TAF7: variants seen among roughly 807,000 people sequenced by gnomAD.
TAF7 encodes the protein TATA-box binding protein associated factor 7.
Under a neutral mutation model 25.3 loss-of-function variants are expected in TAF7, and 9 were observed. The ratio of observed to expected loss-of-function variants is 0.36; its 90% CI spans 0.21 to 0.62. The LOEUF (loss-of-function observed/expected upper bound fraction) is 0.62, where lower values mean the gene tolerates loss of function less well. Among genes scored for constraint, TAF7 ranks in the 20% least tolerant of loss-of-function variants. The pLI, the probability that TAF7 is intolerant of heterozygous loss-of-function variation, is 0.72. For synonymous variants in TAF7, 127 were observed against 146.7 expected (o/e 0.87, Z 0.97); for missense variants, 311 against 410.6 (o/e 0.76, Z 2.10).
Position 141,319,281 on chromosome 5 carries a change from C to G in TAF7, c.764G>C (p.Arg255Thr), listed in dbSNP as rs1756122459. The change falls in exon 1 of 1, where the codon AGA (arginine) becomes ACA (threonine). Residue 255 changes from arginine (R) to threonine (T), a missense_variant. Transcript: ENST00000313368. This position sits in a 1 kb window ranked among gnomAD's most constrained non-coding sequence, Gnocchi z 5.3. The part of the protein sequence containing the change: ...NIIDTEEDLE[R>T]QLQDKLNESD... ...TTCATTTAGCTTGTCCTGTAGCTGT[C>G]TCTCCAGATCTTCCTCCGTGTCAAT... 1.9e-6 allele frequency: 3 copies of G among 1,613,904 alleles called. No homozygotes were observed. The highest frequency in any genetic ancestry group is 1.7e-5 in the Admixed American group (1 of 59,996).
At position 141,320,586 on chromosome 5, in the gene TAF7, C is replaced by T. The variant is rs2149710087; in HGVS notation, c.-542G>A. 6.0e-6 allele frequency: 1 copy of T among 167,928 alleles called. No homozygotes were observed. The highest frequency in any genetic ancestry group is 2.1e-4 in the South Asian group (1 of 4,874). 10.4% of individuals were successfully genotyped at this position (167,928 alleles called of 1,614,324 possible). On this transcript the variant is annotated 5_prime_UTR_variant, in exon 1 of 1. Transcript: ENST00000313368. ...AAGGGAAGAGGAGGCCGCAAGGAGC[C>T]AAGCGGGAGAGAGCCGAGCGTCTCC...
In TAF7 at chr5:141,318,589, T is replaced by C. The variant is rs2429349; in HGVS notation, c.*406A>G. On this transcript the variant is annotated 3_prime_UTR_variant, in exon 1 of 1. Coordinates refer to ENST00000313368, the MANE Select transcript of TAF7 (RefSeq NM_005642.3). ...CTGCTTTGAATAACTGGGAAAACAA[T>C]TATTGCATAGGAAAACATATGCAAA... 1 allele frequency: 156,158 copies of C among 156,250 alleles called. 78,033 individuals carry two copies. The highest frequency in any genetic ancestry group is 1 in the East Asian group (5,256 of 5,256). 9.7% of individuals were successfully genotyped at this position (156,250 alleles called of 1,614,324 possible). A position where few individuals can be genotyped will look rare whatever the true frequency, so the allele number is the denominator to read the frequency against.
rs1432747495 is a variant in TAF7 at position 141,319,030 on chromosome 5, A to G, written c.1015T>C (p.Leu339=). 7 of 1,610,618 alleles carry G rather than the reference A, an allele frequency of 4.3e-6. No individual in the cohort carries two copies. Among genetic ancestry groups the G allele is most frequent in the Middle Eastern group, 3.3e-4 (2 of 6,046 alleles). The part of the protein sequence containing the change: ...EDREKEQLSS[L]QEELESLLEK ...AGGAGTGATTCTAGCTCCTCTTGCA[A>G]AGAGCTGAGTTGCTCCTTTTCTCGG... The change falls in exon 1 of 1, where the codon TTG becomes CTG. Residue 339 remains leucine, a synonymous_variant. Coordinates refer to ENST00000313368, the MANE Select transcript of TAF7 (RefSeq NM_005642.3). The surrounding 1 kb of genome is among the most constrained non-coding windows in gnomAD (Gnocchi z 5.3).
At position 141,319,966 on chromosome 5, in the gene TAF7, T is replaced by A; in HGVS notation, c.79A>T (p.Thr27Ser). The change falls in exon 1 of 1, where the codon ACT (threonine) becomes TCT (serine). Residue 27 changes from threonine to serine, a missense_variant. Around this residue, in one of 3 missense-constraint regions of TAF7, gnomAD observed 119 missense variants for 159.3 expected, o/e 0.75. Transcript: ENST00000313368. This position sits in a 1 kb window ranked among gnomAD's most constrained non-coding sequence, Gnocchi z 5.3. ...CCAGACTGTACTGCCCTTCTCACAG[T>A]AGAGGCATATTCTGGAGGCAGACGT... Reference protein sequence around the residue: ...ILRLPPEYASTVRRAVQSGHV... With the variant: ...ILRLPPEYASSVRRAVQSGHV... 2 of 1,614,166 alleles carry A rather than the reference T, an allele frequency of 1.2e-6. No individual in the cohort carries two copies. The highest frequency in any genetic ancestry group is 1.7e-6 in the Non-Finnish European group (2 of 1,180,034).
rs1048009661 is a variant in TAF7 at position 141,320,606 on chromosome 5, G to C, written c.-562C>G. ...GGAGCCAAGCGGGAGAGAGCCGAGC[G>C]TCTCCTTGTCGTTTCCTTAATTCTT... On this transcript the variant is annotated 5_prime_UTR_variant, in exon 1 of 1. Coordinates refer to ENST00000313368, the MANE Select transcript of TAF7 (RefSeq NM_005642.3). 6.0e-6 allele frequency: 1 copy of C among 167,468 alleles called. No homozygotes were observed. Among genetic ancestry groups the C allele is most frequent in the East Asian group, 1.9e-4 (1 of 5,198 alleles). 10.4% of individuals were successfully genotyped at this position (167,468 alleles called of 1,614,324 possible). A position where few individuals can be genotyped will look rare whatever the true frequency, so the allele number is the denominator to read the frequency against.
At position 141,318,790 on chromosome 5, in the gene TAF7, T is replaced by C. The variant is rs1020757050; in HGVS notation, c.*205A>G. ...TTTCCTACAATCATTTTTCTGCCTATACAATCCTGCTTCTTATAGGATGAA... is the reference window on the plus strand; with the variant it reads ...TTTCCTACAATCATTTTTCTGCCTACACAATCCTGCTTCTTATAGGATGAA... On this transcript the variant is annotated 3_prime_UTR_variant, in exon 1 of 1. Transcript: ENST00000313368. The C allele has an allele frequency of 2.1e-6, 1 of 480,196 alleles. No homozygotes were observed. Among genetic ancestry groups the C allele is most frequent in the Non-Finnish European group, 3.6e-6 (1 of 277,022 alleles). The allele number at this position is 480,196 out of a possible 1,614,324, so 29.7% of individuals were successfully genotyped here. A position where few individuals can be genotyped will look rare whatever the true frequency, so the allele number is the denominator to read the frequency against.
chr5:141,320,123 A>G lies in TAF7; in HGVS notation c.-79T>C. 2 of 1,226,768 alleles carry G rather than the reference A, an allele frequency of 1.6e-6. No individual in the cohort carries two copies. The highest frequency in any genetic ancestry group is 1.1e-6 in the Non-Finnish European group (1 of 879,696). 76.0% of individuals were successfully genotyped at this position (1,226,768 alleles called of 1,614,324 possible). ...TCCAGCTACTGCAATAGTTTAAAAC[A>G]CCAGTTTGCTATGAATTGAAATCTT... On this transcript the variant is annotated 5_prime_UTR_variant, in exon 1 of 1. Transcript: ENST00000313368.
At position 141,319,172 on chromosome 5, in the gene TAF7, C is replaced by G; in HGVS notation, c.873G>C (p.Lys291Asn). Residue 291 changes from lysine (K) to asparagine (N), a missense_variant, in exon 1 of 1, where the codon AAG (lysine) becomes AAC (asparagine). Around this residue, in one of 3 missense-constraint regions of TAF7, gnomAD observed 179 missense variants for 206.7 expected, o/e 0.87. Coordinates refer to ENST00000313368, the MANE Select transcript of TAF7 (RefSeq NM_005642.3). This position sits in a 1 kb window ranked among gnomAD's most constrained non-coding sequence, Gnocchi z 5.3. Reference sequence around the variant, plus strand: ...TTGCCCTGTCCTGGGTCTCTTGGAGCTTGCCTTTCATGTTGTCAATCTGCT... The same window carrying G: ...TTGCCCTGTCCTGGGTCTCTTGGAGGTTGCCTTTCATGTTGTCAATCTGCT... ...IQKQIDNMKGKLQETQDRAKR... is the reference protein window; with the variant it reads ...IQKQIDNMKGNLQETQDRAKR... 6.2e-7 allele frequency: 1 copy of G among 1,614,134 alleles called. No homozygotes were observed. Among genetic ancestry groups the G allele is most frequent in the Non-Finnish European group, 8.5e-7 (1 of 1,180,026 alleles).
In TAF7 at chr5:141,319,459, C is replaced by T. The variant is rs138266148; in HGVS notation, c.586G>A (p.Gly196Ser). Residue 196 changes from glycine to serine, a missense_variant, in exon 1 of 1, where the codon GGC (glycine) becomes AGC (serine). Gly to Ser is a moderately conservative substitution (Grantham distance 56, BLOSUM62 0). Transcript: ENST00000313368. The surrounding 1 kb of genome is among the most constrained non-coding windows in gnomAD (Gnocchi z 5.3). ...EDETKEAENQ[G>S]LDISSPGMSG... is the part of the protein sequence containing the mutation. Reference sequence around the variant, plus strand: ...ATTCCTGGAGAAGAGATATCCAGGCCTTGATTTTCTGCCTCCTTTGTTTCA... The same window carrying T: ...ATTCCTGGAGAAGAGATATCCAGGCTTTGATTTTCTGCCTCCTTTGTTTCA... 1.9e-6 allele frequency: 3 copies of T among 1,614,020 alleles called. No individual in the cohort carries two copies. The African/African-American group carries it at 4.0e-5, about 22-fold the overall frequency.
In TAF7 at chr5:141,319,183, T is replaced by C; in HGVS notation, c.862A>G (p.Met288Val). Reference sequence around the variant, plus strand: ...TGGGTCTCTTGGAGCTTGCCTTTCATGTTGTCAATCTGCTTCTGAATTCCC... The same window carrying C: ...TGGGTCTCTTGGAGCTTGCCTTTCACGTTGTCAATCTGCTTCTGAATTCCC... Reference protein sequence around the residue: ...VMGIQKQIDNMKGKLQETQDR... With the variant: ...VMGIQKQIDNVKGKLQETQDR... The change falls in exon 1 of 1, where the codon ATG (methionine) becomes GTG (valine). Residue 288 changes from methionine to valine, a missense_variant. Physicochemically the swap from Met to Val is conservative, Grantham distance 21 (BLOSUM62 1). Coordinates refer to ENST00000313368, the MANE Select transcript of TAF7 (RefSeq NM_005642.3). This position sits in a 1 kb window ranked among gnomAD's most constrained non-coding sequence, Gnocchi z 5.3. 6.2e-7 allele frequency: 1 copy of C among 1,614,192 alleles called. No homozygotes were observed. The highest frequency in any genetic ancestry group is 8.5e-7 in the Non-Finnish European group (1 of 1,180,034).
chr5:141,319,739 A>T lies in TAF7; in HGVS notation c.306T>A (p.Asp102Glu). Residue 102 changes from aspartate to glutamate, a missense_variant, in exon 1 of 1, where the codon GAT (aspartate) becomes GAA (glutamate). This residue lies in a region of TAF7 where 119 missense variants were observed against 159.3 expected (regional missense o/e 0.75). Transcript: ENST00000313368. This position sits in a 1 kb window ranked among gnomAD's most constrained non-coding sequence, Gnocchi z 5.3. ...CQMLVSTVDG[D>E]LYPPVEEPVA... ...CTGGCTCCTCCACAGGAGGATAGAG[A>T]TCACCATCAACTGTGGATACAAGCA... 1 of 1,614,114 alleles carries T rather than the reference A, an allele frequency of 6.2e-7. No homozygotes were observed. The highest frequency in any genetic ancestry group is 8.5e-7 in the Non-Finnish European group (1 of 1,180,024).
rs958565993 is a variant in TAF7, at chr5:141,320,171, A to C, written c.-127T>G. The C allele has an allele frequency of 6.1e-6, 5 of 815,308 alleles. No homozygotes were observed. The African/African-American group carries it at 8.7e-5, about 14-fold the overall frequency. The allele number at this position is 815,308 out of a possible 1,614,324, so 50.5% of individuals were successfully genotyped here. Reference sequence around the variant, plus strand: ...CTTTTAATTACAAGAAGTTCTCTGTAGATCAGCAGCTAAGCGTCTATTTTG... The same window carrying C: ...CTTTTAATTACAAGAAGTTCTCTGTCGATCAGCAGCTAAGCGTCTATTTTG... On this transcript the variant is annotated 5_prime_UTR_variant, in exon 1 of 1. Coordinates refer to ENST00000313368, the MANE Select transcript of TAF7 (RefSeq NM_005642.3).
At position 141,318,833 on chromosome 5, in the gene TAF7, T is replaced by C. The variant is rs10310; in HGVS notation, c.*162A>G. On this transcript the variant is annotated 3_prime_UTR_variant, in exon 1 of 1. Transcript: ENST00000313368. ...AGGATGAACACCTAGCAAAACAATA[T>C]AAATTTGCTGAAAAACAAAATTACA... 0.12 allele frequency: 77,299 copies of C among 634,360 alleles called. 5,224 individuals carry two copies. Among genetic ancestry groups the C allele is most frequent in the Admixed American group, 0.21 (6,007 of 28,244 alleles). 39.3% of individuals were successfully genotyped at this position (634,360 alleles called of 1,614,324 possible).
chr5:141,319,883 T>C lies in TAF7; in HGVS notation c.162A>G (p.Gly54=). Residue 54 remains glycine (G), a synonymous_variant, in exon 1 of 1, where the codon GGA becomes GGG. Transcript: ENST00000313368. The surrounding 1 kb of genome is among the most constrained non-coding windows in gnomAD (Gnocchi z 5.3). Reference sequence around the variant, plus strand: ...ATGGAACACGGTCCACTCTGACGATTCCATGACGCCCATCAGGATGTAACT... The same window carrying C: ...ATGGAACACGGTCCACTCTGACGATCCCATGACGCCCATCAGGATGTAACT... ...TIELHPDGRH[G]IVRVDRVPLA... The C allele has an allele frequency of 6.2e-7, 1 of 1,614,198 alleles. No homozygotes were observed. Among genetic ancestry groups the C allele is most frequent in the African/African-American group, 1.3e-5 (1 of 75,060 alleles).
Position 141,320,045 on chromosome 5 carries a change from C to A in TAF7, c.-1G>T, listed in dbSNP as rs1429205836. The A allele has an allele frequency of 1.2e-6, 2 of 1,603,446 alleles. No homozygotes were observed. The highest frequency in any genetic ancestry group is 4.5e-5 in the East Asian group (2 of 44,672). On this transcript the variant is annotated 5_prime_UTR_variant, in exon 1 of 1. Transcript: ENST00000313368. Reference sequence around the variant, plus strand: ...GAGCATCATCTTTGCTTTTACTCATCTTTATTTCCTTGTGATTCACTTCTC... The same window carrying A: ...GAGCATCATCTTTGCTTTTACTCATATTTATTTCCTTGTGATTCACTTCTC...
At position 141,320,087 on chromosome 5, in the gene TAF7, C is replaced by T. The variant is rs1211491230; in HGVS notation, c.-43G>A. The T allele has an allele frequency of 6.5e-7, 1 of 1,550,246 alleles. No homozygotes were observed. Among genetic ancestry groups the T allele is most frequent in the South Asian group, 1.2e-5 (1 of 83,438 alleles). On this transcript the variant is annotated 5_prime_UTR_variant, in exon 1 of 1. Transcript: ENST00000313368. ...TCACTTCTCCAATAAATGCTGGTTA[C>T]ACTAAAAAGTTCCAGCTACTGCAAT...
At position 141,320,357 on chromosome 5, in the gene TAF7, T is replaced by C. The variant is rs1192713809; in HGVS notation, c.-313A>G. 3 of 236,252 alleles carry C rather than the reference T, an allele frequency of 1.3e-5. No homozygotes were observed. The highest frequency in any genetic ancestry group is 7.9e-5 in the South Asian group (1 of 12,622). The allele number at this position is 236,252 out of a possible 1,614,324, so 14.6% of individuals were successfully genotyped here. On this transcript the variant is annotated 5_prime_UTR_variant, in exon 1 of 1. Transcript: ENST00000313368. ...CGCTGCCGGACAACGCGGAGAGAGC[T>C]AGCTAGCTAGCTAGGGAACAGGAAA...
chr5:141,319,543 G>A lies in TAF7; in HGVS notation c.502C>T (p.Arg168Ter), dbSNP rs147266787. 1.2e-6 allele frequency: 2 copies of A among 1,613,918 alleles called. No individual in the cohort carries two copies. Among genetic ancestry groups the A allele is most frequent in the East Asian group, 2.2e-5 (1 of 44,866 alleles). Reference sequence around the variant, plus strand: ...GCTTCAGCATCTGTACTCAGCAATCGTTTCACTTCTTTTTCAACATCTGGA... The same window carrying A: ...GCTTCAGCATCTGTACTCAGCAATCATTTCACTTCTTTTTCAACATCTGGA... Reference protein sequence around the residue: ...ESPDVEKEVKRLLSTDAEAVS... With the variant: ...ESPDVEKEVK The change falls in exon 1 of 1, where the codon CGA becomes TGA. Residue 168 changes from arginine (R) to a stop codon, truncating the protein, a stop_gained. Transcript: ENST00000313368. LOFTEE classifies it high-confidence loss of function. This position sits in a 1 kb window ranked among gnomAD's most constrained non-coding sequence, Gnocchi z 5.3.
Position 141,320,121 on chromosome 5 carries a change from A to G in TAF7, c.-77T>C. 1.6e-6 allele frequency: 2 copies of G among 1,246,760 alleles called. No individual in the cohort carries two copies. The highest frequency in any genetic ancestry group is 2.2e-6 in the Non-Finnish European group (2 of 896,374). 77.2% of individuals were successfully genotyped at this position (1,246,760 alleles called of 1,614,324 possible). ...GTTCCAGCTACTGCAATAGTTTAAA[A>G]CACCAGTTTGCTATGAATTGAAATC... On this transcript the variant is annotated 5_prime_UTR_variant, in exon 1 of 1. Transcript: ENST00000313368.
Sources: gnomAD v4.1 joint callset for allele counts on GRCh38, gnomAD v4.1.1 for gene constraint, gnomAD v4.1.1 regional missense constraint, Gnocchi (gnomAD v3.1) non-coding constraint, MANE v1.5 for transcripts, NCBI Gene and HGNC (gene_info 2026-07-23, HGNC 2026-07-21) for gene names.